The following FGFR2 variants were observed in gnomAD, a reference collection of about 807,000 sequenced individuals.
FGFR2 encodes BEK fibroblast growth factor receptor.
A neutral mutation model predicts 95.9 loss-of-function variants in FGFR2; 19 were observed. The observed-to-expected ratio is 0.20, with a 90% CI of 0.14 to 0.29. The LOEUF (loss-of-function observed/expected upper bound fraction) is 0.29. Among genes scored for constraint, FGFR2 ranks in the 10% least tolerant of loss-of-function variants. FGFR2 has a pLI of 1.00. For missense variants in FGFR2, 707 were observed against 1,056.9 expected (o/e 0.67, Z 4.59); for synonymous variants, 392 against 393.3 (o/e 1.00, Z 0.04).
intron 4 of FGFR2, among the ~76,000 whole-genome samples, chr10:121,555,877 C>A (rs569704113): frequency 4.6e-5 from 7 of 152,306 alleles, no homozygotes; most frequent in Middle Eastern, 3.4e-3. Context: ...GATTTATAAA[C>A]CCACAGAAAC....
intron 17 of FGFR2, among the ~76,000 whole-genome samples, 161 bp downstream of exon 17, chr10:121,483,537 A>T (rs1845029574): frequency 6.6e-6 from 1 of 152,170 alleles, no homozygotes; most frequent in African/African-American, 2.4e-5. Flanking sequence ...AAAAATCATG[A>T]TTTGAGAGGA....
At chr10:121,564,421 G>T in intron 4 of FGFR2, 81 bp downstream of exon 4, 1 of 1,301,544 alleles carries the variant, frequency 7.7e-7, no homozygotes, top group Non-Finnish European at 1.1e-6. Flanking sequence ...GCGCAGAAGA[G>T]TCGACAAGAA....
chr10:121,523,455 T>C (rs1850846655), intron 6 of FGFR2, among the ~76,000 whole-genome samples: 1 of 152,060 alleles, frequency 6.6e-6, no homozygotes, highest in South Asian at 2.1e-4. Context: ...GCTGGCCTCA[T>C]CCATGTGGGA....
chr10:121,596,941 G>C (rs146751408), intron 1 of FGFR2, among the ~76,000 whole-genome samples: 1 of 152,122 alleles, frequency 6.6e-6, no homozygotes, highest in African/African-American at 2.4e-5. Flanking sequence ...AGTCGAGCCC[G>C]GTGGAAGATT....
chr10:121,571,374 C>T (rs1858696147), intron 2 of FGFR2, among the ~76,000 whole-genome samples: 1 of 141,600 alleles, frequency 7.1e-6, no homozygotes, highest in Admixed American at 7.8e-5. Flanking sequence ...TCTCGGCTCA[C>T]TGCAAGCTCC....
Position 121,551,293 on chromosome 10 carries a change from G to A in FGFR2, c.621C>T (p.Tyr207=), listed in dbSNP as rs1468561475. Residue 207 remains tyrosine (Y), a synonymous_variant, in exon 5 of 18, where the codon TAC becomes TAT. Transcript: ENST00000358487. ...EFKQEHRIGG[Y]KVRNQHWSLI... is the part of the protein sequence containing the mutation. ...TGTTCTGAAAGCTTAATTCTACCTT[G>A]TAGCCTCCAATGCGATGCTCCTGCT... 1 of 1,614,048 alleles carries A rather than the reference G, an allele frequency of 6.2e-7. No individual in the cohort carries two copies. The highest frequency in any genetic ancestry group is 8.5e-7 in the Non-Finnish European group (1 of 1,179,936).
rs187949383 is a variant in FGFR2 at position 121,485,868 on chromosome 10, G to A, written c.2058-336C>T. 1.0e-3 allele frequency among the ~76,000 whole-genome samples: 152 copies of A among 152,290 alleles called. 1 individual carries two copies. The highest frequency in any genetic ancestry group is 3.5e-3 in the African/African-American group (145 of 41,560). On this transcript the variant is annotated intron_variant, in intron 15 of 17. Coordinates refer to ENST00000358487, the MANE Select transcript of FGFR2 (RefSeq NM_000141.5). This position sits in a 1 kb window ranked among gnomAD's most constrained non-coding sequence, Gnocchi z 4.2. The stretch of plus-strand genomic sequence containing the variant: ...TACGCTCCTTTCCAACTCCTTATGT[G>A]CCTGACCCAAGGGTTGTGATCTACC...
intron 6 of FGFR2, among the ~76,000 whole-genome samples, chr10:121,520,641 T>A (rs1328364068): frequency 2.0e-5 from 3 of 152,114 alleles, no homozygotes; most frequent in Non-Finnish European, 4.4e-5. Context: ...TGTCTCCCAA[T>A]ACATTTTTTT....
At chr10:121,577,134 CAAAAAAAA>C (rs1169487586) in intron 2 of FGFR2, among the ~76,000 whole-genome samples, 12 of 3,952 alleles carry the variant, frequency 3.0e-3, no homozygotes, top group South Asian at 0.017. Context: ...GACTCCATCT[CAAAAAAAA>C]AAAAAAAAAA....
chr10:121,548,312 C>A (rs996007123), intron 5 of FGFR2, among the ~76,000 whole-genome samples: 1 of 112,536 alleles, frequency 8.9e-6, no homozygotes, highest in African/African-American at 3.3e-5. Context: ...GTTTTTGTCC[C>A]ACACACTGAA....
rs747502119 is a variant in FGFR2 at position 121,551,401 on chromosome 10, C to T, written c.513G>A (p.Ala171=). The T allele has an allele frequency of 1.2e-5, 19 of 1,614,104 alleles. No homozygotes were observed. Among genetic ancestry groups the T allele is most frequent in the Middle Eastern group, 1.7e-4 (1 of 6,060 alleles). The stretch of plus-strand genomic sequence containing the variant: ...GGCAGCGAAACTTGACAGTGTTGGC[C>T]GCAGGCACAGCATGGAGCCGCTTTT... ...KMEKRLHAVP[A]ANTVKFRCPA... The change falls in exon 5 of 18, where the codon GCG becomes GCA. Residue 171 remains alanine, a synonymous_variant. Transcript: ENST00000358487.
rs923575787 is a variant in FGFR2, at chr10:121,598,168, C to T, written c.-357G>A. 4 of 398,088 alleles carry T rather than the reference C, an allele frequency of 1.0e-5. No homozygotes were observed. Among genetic ancestry groups the T allele is most frequent in the Non-Finnish European group, 1.8e-5 (4 of 225,810 alleles). The allele number at this position is 398,088 out of a possible 1,614,324, so 24.7% of individuals were successfully genotyped here. ...GGGCATGACGCCCGCGGGCTGCCCT[C>T]GGATTTGGGGAACGAGAGGAAGAAA... On this transcript the variant is annotated 5_prime_UTR_variant, in exon 1 of 18. Coordinates refer to ENST00000358487, the MANE Select transcript of FGFR2 (RefSeq NM_000141.5).
rs909602989 is a variant in FGFR2, at chr10:121,485,159, C to T, written c.2195+236G>A. ...AGGAGCCCTCAGCCAGGCAGCCAGA[C>T]ACCCTCTGATCCAAAGCCCTCTCCA... On this transcript the variant is annotated intron_variant, in intron 16 of 17. Transcript: ENST00000358487. The surrounding 1 kb of genome is among the most constrained non-coding windows in gnomAD (Gnocchi z 4.2). Among the ~76,000 whole-genome samples the T allele has an allele frequency of 3.9e-5, 6 of 152,136 alleles. No homozygotes were observed. Among genetic ancestry groups the T allele is most frequent in the African/African-American group, 1.4e-4 (6 of 41,428 alleles).
At chr10:121,585,412 G>C (rs940780048) in intron 2 of FGFR2, among the ~76,000 whole-genome samples, 3 of 152,186 alleles carry the variant, frequency 2.0e-5, no homozygotes, top group Non-Finnish European at 2.9e-5. Flanking sequence ...TGTTGGTCCA[G>C]GAAATGTTGA....
intron 3 of FGFR2, 112 bp from the exon 4 acceptor site, chr10:121,564,691 G>T (rs1242113025): frequency 1.1e-5 from 10 of 896,548 alleles, no homozygotes; most frequent in Admixed American, 1.9e-5. Flanking sequence ...AGGAACCCTC[G>T]CAAAGAGCCT....
rs527351355 is a variant in FGFR2, at chr10:121,572,245, G to C, written c.110-6541C>G. Among the ~76,000 whole-genome samples the C allele has an allele frequency of 2.0e-5, 3 of 151,700 alleles. No individual in the cohort carries two copies. In the South Asian group the frequency reaches 6.3e-4, roughly 32 times the overall value. On this transcript the variant is annotated intron_variant, in intron 2 of 17. Coordinates refer to ENST00000358487, the MANE Select transcript of FGFR2 (RefSeq NM_000141.5). Reference sequence around the variant, plus strand: ...GGGCTGAGGTAGGAAGATCGCTTGAGCCCCAGAGGCTGCACTGAGCTATGA... The same window carrying C: ...GGGCTGAGGTAGGAAGATCGCTTGACCCCCAGAGGCTGCACTGAGCTATGA...
At chr10:121,577,188 G>T (rs1303686012) in intron 2 of FGFR2, among the ~76,000 whole-genome samples, 66 of 100,026 alleles carry the variant, frequency 6.6e-4, no homozygotes, top group African/African-American at 1.2e-3. Flanking sequence ...TAGAGAGAGA[G>T]AGAGAGAGAG....
chr10:121,507,423 A>G (rs1244344202), intron 9 of FGFR2, among the ~76,000 whole-genome samples: 2 of 152,166 alleles, frequency 1.3e-5, no homozygotes, highest in African/African-American at 4.8e-5. Flanking sequence ...CCCTGTCTCT[A>G]CTAAAGATAG....
intron 2 of FGFR2, among the ~76,000 whole-genome samples, chr10:121,575,197 T>A (rs1439199585): frequency 6.6e-6 from 1 of 152,200 alleles, no homozygotes; most frequent in Non-Finnish European, 1.5e-5. Flanking sequence ...TCTTCATGTT[T>A]GAAAGAAATT....
Sources: gnomAD v4.1 joint callset for allele counts (sites outside exome capture counted in the v4.1 genomes callset) on GRCh38, gnomAD v4.1.1 for gene constraint, Gnocchi (gnomAD v3.1) non-coding constraint, MANE v1.5 for transcripts, NCBI Gene and HGNC (gene_info 2026-07-23, HGNC 2026-07-21) for gene names.